The following GAB1 variants were observed in gnomAD, a reference collection of about 807,000 sequenced individuals.
GAB1 encodes GRB2 associated binding protein 1, also known as GRB2-associated-binding protein 1.
In GAB1, 19 loss-of-function variants were observed where a neutral mutation model predicts 66.5. The observed-to-expected ratio is 0.29, with a 90% CI of 0.20 to 0.42. The LOEUF (loss-of-function observed/expected upper bound fraction) is 0.42. Among genes scored for constraint, GAB1 ranks in the 10% least tolerant of loss-of-function variants. GAB1 has a pLI of 1.00. For missense variants in GAB1, 732 were observed against 858.5 expected (o/e 0.85, Z 1.84); for synonymous variants, 294 against 301.4 (o/e 0.98, Z 0.25).
Position 143,373,868 on chromosome 4 carries a change from A to AATAAATAAATATAT in GAB1, c.72+36611_72+36612insAATAAATATATATA. Among the ~76,000 whole-genome samples, 292 of 93,690 alleles carry AATAAATAAATATAT rather than the reference A, an allele frequency of 3.1e-3. 7 individuals carry two copies. Among genetic ancestry groups the AATAAATAAATATAT allele is most frequent in the Non-Finnish European group, 5.0e-3 (236 of 47,312 alleles). 61.5% of individuals were successfully genotyped at this position (93,690 alleles called of 152,430 possible). ...CTCTCTCTCTCTCTGTAAATAAATA[A>AATAAATAAATATAT]ATATATATATATATATATTTTTACC... On this transcript the variant is annotated intron_variant, in intron 1 of 9. Transcript: ENST00000262994.
At chr4:143,372,660 C>T (rs1730182259) in intron 1 of GAB1, among the ~76,000 whole-genome samples, 1 of 152,164 alleles carries the variant, frequency 6.6e-6, no homozygotes, top group Non-Finnish European at 1.5e-5. Flanking sequence ...TTAGAGAGGT[C>T]ATGTTTGCTT....
chr4:143,411,107 C>T (rs953675348), intron 1 of GAB1, among the ~76,000 whole-genome samples: 6 of 152,108 alleles, frequency 3.9e-5, no homozygotes, highest in Non-Finnish European at 7.4e-5. Context: ...GGTTGGAAGG[C>T]AGAGGGGCAA....
At chr4:143,429,672 A>T (rs971911481) in intron 2 of GAB1, among the ~76,000 whole-genome samples, 2 of 151,722 alleles carry the variant, frequency 1.3e-5, no homozygotes, top group African/African-American at 4.8e-5. Context: ...CTGAATAAAG[A>T]TTCAGCTCTG....
intron 1 of GAB1, among the ~76,000 whole-genome samples, chr4:143,400,223 G>A (rs1237807266): frequency 1.3e-5 from 2 of 152,148 alleles, no homozygotes; most frequent in African/African-American, 2.4e-5. Context: ...GACTACAGGC[G>A]TGAGCCACTG....
intron 3 of GAB1, among the ~76,000 whole-genome samples, chr4:143,436,043 ACT>A (rs1733923267): frequency 6.6e-6 from 1 of 152,192 alleles, no homozygotes; most frequent in South Asian, 2.1e-4. Context: ...GCTTCTCTTA[ACT>A]CTGCATTTGA....
At chr4:143,374,377 C>G (rs1436838969) in intron 1 of GAB1, among the ~76,000 whole-genome samples, 1 of 152,126 alleles carries the variant, frequency 6.6e-6, no homozygotes, top group African/African-American at 2.4e-5. Context: ...GAAAGGAAAA[C>G]CTGTTCAACA....
At chr4:143,378,732 A>C (rs924318785) in intron 1 of GAB1, among the ~76,000 whole-genome samples, 1 of 148,986 alleles carries the variant, frequency 6.7e-6, no homozygotes, top group African/African-American at 2.5e-5. Flanking sequence ...TTTCTGAACC[A>C]CCGTCTCAAG....
intron 6 of GAB1, among the ~76,000 whole-genome samples, chr4:143,456,326 G>A (rs941881129): frequency 3.3e-5 from 5 of 151,966 alleles, no homozygotes; most frequent in Non-Finnish European, 7.4e-5. Flanking sequence ...GCGTGGTGGC[G>A]GGCACCTGTA....
chr4:143,375,136 C>T (rs561247866), intron 1 of GAB1, among the ~76,000 whole-genome samples: 3 of 152,250 alleles, frequency 2.0e-5, no homozygotes, highest in African/African-American at 4.8e-5. Context: ...TTACTAGAGA[C>T]GGGGTTTCAC....
chr4:143,444,013 A>C (rs1373939296), intron 6 of GAB1, among the ~76,000 whole-genome samples: 2 of 152,188 alleles, frequency 1.3e-5, no homozygotes, highest in Non-Finnish European at 2.9e-5. Context: ...TGTGTGTATT[A>C]AGAGAAACGT....
intron 1 of GAB1, among the ~76,000 whole-genome samples, chr4:143,357,870 A>G (rs926606386): frequency 1.3e-5 from 2 of 151,898 alleles, no homozygotes; most frequent in South Asian, 2.1e-4. Flanking sequence ...TAAATCATAT[A>G]TATATATATA....
Position 143,467,618 on chromosome 4 carries a change from A to G in GAB1, c.1926+1393A>G, listed in dbSNP as rs1161150284. On this transcript the variant is annotated intron_variant, in intron 9 of 9. Coordinates refer to ENST00000262994, the MANE Select transcript of GAB1 (RefSeq NM_002039.4). The stretch of plus-strand genomic sequence containing the variant: ...TACAGTTTGTTTCTTTGTGTGTTTT[A>G]TATATTTTTATTGCAACCTCATTTT... 8.5e-5 allele frequency among the ~76,000 whole-genome samples: 13 copies of G among 152,114 alleles called. No individual in the cohort carries two copies. The East Asian group carries it at 1.9e-3, about 23-fold the overall frequency.
chr4:143,387,762 C>T (rs1353036393), intron 1 of GAB1, among the ~76,000 whole-genome samples: 1 of 152,150 alleles, frequency 6.6e-6, no homozygotes, highest in Admixed American at 6.5e-5. Context: ...ATCTCAAGAA[C>T]TTCCAAGGAG....
At chr4:143,410,485 TC>T (rs563848281) in intron 1 of GAB1, among the ~76,000 whole-genome samples, 108 of 152,328 alleles carry the variant, frequency 7.1e-4, no homozygotes, top group African/African-American at 2.2e-3. Context: ...ATAGTGGGAC[TC>T]CCATCTGTAC....
chr4:143,413,824 C>CCTTTTTTTTTTTTTTTT (rs61697817), intron 1 of GAB1, among the ~76,000 whole-genome samples: 24 of 67,828 alleles, frequency 3.5e-4, no homozygotes, highest in African/African-American at 2.2e-3. Context: ...CCCCGCTGCC[C>CCTTTTTTTTTTTTTTTT]TTTTTTTTTT....
intron 1 of GAB1, among the ~76,000 whole-genome samples, chr4:143,377,667 C>A (rs1730474800): frequency 6.6e-6 from 1 of 152,112 alleles, no homozygotes; most frequent in Admixed American, 6.6e-5. Flanking sequence ...TGTCAGATGT[C>A]TTGGCACAGT....
At chr4:143,386,923 TTACAGAA>T in intron 1 of GAB1, among the ~76,000 whole-genome samples, 1 of 152,302 alleles carries the variant, frequency 6.6e-6, no homozygotes, top group South Asian at 2.1e-4. Flanking sequence ...ATCTTGCCCT[TTACAGAA>T]GATTTTTTTG....
chr4:143,455,295 A>C (rs895809740), intron 6 of GAB1, among the ~76,000 whole-genome samples: 2 of 152,228 alleles, frequency 1.3e-5, no homozygotes, highest in African/African-American at 4.8e-5. Context: ...GAGGAGAAAC[A>C]ATCAGTTTCA....
intron 1 of GAB1, among the ~76,000 whole-genome samples, chr4:143,350,665 T>C (rs1417572090): frequency 1.8e-5 from 2 of 109,552 alleles, no homozygotes; most frequent in Non-Finnish European, 1.7e-5. Flanking sequence ...GCAACAAGCG[T>C]GAAACTCCGT....
Sources: gnomAD v4.1 joint callset for allele counts (sites outside exome capture counted in the v4.1 genomes callset) on GRCh38, gnomAD v4.1.1 for gene constraint, MANE v1.5 for transcripts, NCBI Gene and HGNC (gene_info 2026-07-23, HGNC 2026-07-21) for gene names.